The following TRIM24 variants were observed in gnomAD, a reference collection of about 807,000 sequenced individuals.
TRIM24 encodes the protein tripartite motif containing 24, also known as transcription intermediary factor 1-alpha.
A neutral mutation model predicts 123.9 loss-of-function variants in TRIM24; 29 were observed. The ratio of observed to expected loss-of-function variants is 0.23; its 90% CI spans 0.17 to 0.32. The LOEUF (loss-of-function observed/expected upper bound fraction) is 0.32. Among genes scored for constraint, TRIM24 ranks in the 10% least tolerant of loss-of-function variants. The probability of loss-of-function intolerance (pLI) is 1.00; values close to 1 mark genes in which losing one functional copy is unlikely to be tolerated. For missense variants in TRIM24, 932 were observed against 1,295.3 expected (o/e 0.72, Z 4.31); for synonymous variants, 456 against 461.1 (o/e 0.99, Z 0.14).
chr7:138,514,288 C>T (rs2116553448), intron 2 of TRIM24: 1 of 152,396 alleles, frequency 6.6e-6, no homozygotes, highest in South Asian at 2.1e-4. Flanking sequence ...TACAGAAACA[C>T]TTGCTCCTTT....
chr7:138,475,168 T>C (rs1170532468), intron 1 of TRIM24, among the ~76,000 whole-genome samples: 1 of 152,176 alleles, frequency 6.6e-6, no homozygotes, highest in Admixed American at 6.5e-5. Context: ...TGCTGTGTGT[T>C]GTGGTATGGG....
chr7:138,492,020 A>G (rs1282219815), intron 1 of TRIM24, among the ~76,000 whole-genome samples: 1 of 151,406 alleles, frequency 6.6e-6, no homozygotes, highest in Non-Finnish European at 1.5e-5. Context: ...AATCCCAGCT[A>G]TTTGGGAGTC....
At chr7:138,488,179 C>T (rs1055895491) in intron 1 of TRIM24, among the ~76,000 whole-genome samples, 5 of 151,886 alleles carry the variant, frequency 3.3e-5, no homozygotes, top group African/African-American at 7.3e-5. Context: ...TCTGTGGGAT[C>T]GGTGGTGATA....
intron 2 of TRIM24, among the ~76,000 whole-genome samples, chr7:138,508,651 C>T (rs1796199461): frequency 7.2e-6 from 1 of 139,240 alleles, no homozygotes; most frequent in African/African-American, 2.6e-5. Flanking sequence ...TCAGAGGTGA[C>T]TAATAAGAGG....
At chr7:138,508,708 C>CGTGCGTGTGTGTGCGT (rs1554436689) in intron 2 of TRIM24, among the ~76,000 whole-genome samples, 1 of 136,194 alleles carries the variant, frequency 7.3e-6, no homozygotes, top group Non-Finnish European at 1.6e-5. Flanking sequence ...CGCGTGTGTG[C>CGTGCGTGTGTGTGCGT]GTGTGTGTGT....
At position 138,460,629 on chromosome 7, in the gene TRIM24, G is replaced by A. The variant is rs1036773723; in HGVS notation, c.81G>A (p.Pro27=). The part of the protein sequence containing the change: ...AAASGGPSAA[P]SGENEAESRQ... ...CCTCCGGGGGGCCCTCGGCGGCGCCGAGCGGGGAGAACGAGGCCGAGAGTC... is the reference window on the plus strand; with the variant it reads ...CCTCCGGGGGGCCCTCGGCGGCGCCAAGCGGGGAGAACGAGGCCGAGAGTC... Residue 27 remains proline, a synonymous_variant, in exon 1 of 19, where the codon CCG becomes CCA. Transcript: ENST00000343526. The A allele has an allele frequency of 8.4e-6, 12 of 1,428,380 alleles. No homozygotes were observed. In the African/African-American group the frequency reaches 1.5e-4, roughly 18 times the overall value. The allele number at this position is 1,428,380 out of a possible 1,614,324, so 88.5% of individuals were successfully genotyped here. A position where few individuals can be genotyped will look rare whatever the true frequency, so the allele number is the denominator to read the frequency against.
Position 138,495,210 on chromosome 7 carries a change from T to C in TRIM24, c.365-9080T>C, listed in dbSNP as rs183628687. Among the ~76,000 whole-genome samples, 9 of 152,322 alleles carry C rather than the reference T, an allele frequency of 5.9e-5. No individual in the cohort carries two copies. In the East Asian group the frequency reaches 1.7e-3, roughly 29 times the overall value. ...GATGGAAGAGAAATTTGCTATACTTTTTAATAAGTTTTTGACTTTTGAACC... is the reference window on the plus strand; with the variant it reads ...GATGGAAGAGAAATTTGCTATACTTCTTAATAAGTTTTTGACTTTTGAACC... On this transcript the variant is annotated intron_variant, in intron 1 of 18. Coordinates refer to ENST00000343526, the MANE Select transcript of TRIM24 (RefSeq NM_015905.3).
intron 1 of TRIM24, among the ~76,000 whole-genome samples, chr7:138,501,799 A>G (rs1796045882): frequency 2.0e-5 from 3 of 151,768 alleles, no homozygotes; most frequent in African/African-American, 7.3e-5. Flanking sequence ...GAGGCAGGAG[A>G]ATCACTTGAA....
chr7:138,560,361 T>C (rs1258205734), intron 9 of TRIM24, among the ~76,000 whole-genome samples: 1 of 152,162 alleles, frequency 6.6e-6, no homozygotes, highest in Admixed American at 6.5e-5. Context: ...TAACAATACT[T>C]TAGTCACTTC....
Position 138,527,250 on chromosome 7 carries a change from TTTC to T in TRIM24, c.882-1860_882-1858del, listed in dbSNP as rs551281187. On this transcript the variant is annotated intron_variant, in intron 5 of 18. Coordinates refer to ENST00000343526, the MANE Select transcript of TRIM24 (RefSeq NM_015905.3). ...AAGTCTTAACATAGTGTTTTTCAAA[TTTC>T]TTCTTTTATTTTTATAAATGATTTG... is the stretch of plus-strand genomic sequence containing the variant. 5.5e-3 allele frequency among the ~76,000 whole-genome samples: 837 copies of T among 152,330 alleles called. 3 individuals are homozygous for T. Among genetic ancestry groups the T allele is most frequent in the African/African-American group, 0.019 (803 of 41,574 alleles).
intron 1 of TRIM24, among the ~76,000 whole-genome samples, chr7:138,470,389 G>A (rs565540144): frequency 6.6e-6 from 1 of 152,188 alleles, no homozygotes; most frequent in East Asian, 1.9e-4. Context: ...CCAAAGTGCT[G>A]GGATTACAGA....
chr7:138,565,230 C>G (rs941199787), intron 9 of TRIM24, among the ~76,000 whole-genome samples: 1 of 152,146 alleles, frequency 6.6e-6, no homozygotes, highest in South Asian at 2.1e-4. Context: ...GCAAGCCACT[C>G]TCATGTCCTG....
intron 7 of TRIM24, among the ~76,000 whole-genome samples, chr7:138,548,099 G>T (rs1310786344): frequency 6.6e-6 from 1 of 152,112 alleles, no homozygotes; most frequent in Non-Finnish European, 1.5e-5. Context: ...TACACCTGAG[G>T]ATAAAAAGTA....
At chr7:138,547,293 T>C (rs1554441737) in intron 7 of TRIM24, among the ~76,000 whole-genome samples, 1 of 152,174 alleles carries the variant, frequency 6.6e-6, no homozygotes, top group Non-Finnish European at 1.5e-5. Flanking sequence ...TTCAATTAGA[T>C]AGGAGGAATA....
At chr7:138,519,360 A>G in intron 4 of TRIM24, 39 bp downstream of exon 4, 1 of 1,557,954 alleles carries the variant, frequency 6.4e-7, no homozygotes, top group Non-Finnish European at 8.6e-7. Flanking sequence ...ATTCATATGC[A>G]GCTTTAGAGG....
At chr7:138,573,140 A>G (rs1438433874) in intron 11 of TRIM24, among the ~76,000 whole-genome samples, 6 of 152,208 alleles carry the variant, frequency 3.9e-5, no homozygotes, top group Non-Finnish European at 8.8e-5. Flanking sequence ...GGAGACATTA[A>G]AGAGATTCGC....
intron 9 of TRIM24, among the ~76,000 whole-genome samples, chr7:138,555,459 G>A (rs933195880): frequency 2.0e-5 from 3 of 150,130 alleles, no homozygotes; most frequent in Non-Finnish European, 4.4e-5. Flanking sequence ...ACTGTCTACC[G>A]TTCTTATTTT....
At chr7:138,580,801 AT>A in intron 16 of TRIM24, 107 bp downstream of exon 16, 1 of 1,046,576 alleles carries the variant, frequency 9.6e-7, no homozygotes, top group Non-Finnish European at 1.3e-6. Flanking sequence ...GATCCTTTTT[AT>A]TTAAGAGTAT....
intron 4 of TRIM24, among the ~76,000 whole-genome samples, chr7:138,520,875 T>C (rs1194371937): frequency 1.3e-5 from 2 of 152,136 alleles, no homozygotes; most frequent in Non-Finnish European, 2.9e-5. Context: ...CTAATGTGGA[T>C]GTAATTGCAG....
Sources: gnomAD v4.1 joint callset for allele counts (sites outside exome capture counted in the v4.1 genomes callset) on GRCh38, gnomAD v4.1.1 for gene constraint, MANE v1.5 for transcripts, NCBI Gene and HGNC (gene_info 2026-07-23, HGNC 2026-07-21) for gene names.